The following KALRN variants were observed in gnomAD, a reference collection of about 807,000 sequenced individuals.
KALRN encodes the protein kalirin RhoGEF kinase, also known as kalirin.
A neutral mutation model predicts 353.7 loss-of-function variants in KALRN; 70 were observed. The ratio of observed to expected loss-of-function variants is 0.20; its 90% CI spans 0.16 to 0.24. The LOEUF (loss-of-function observed/expected upper bound fraction) is 0.24. Among genes scored for constraint, KALRN ranks in the 10% least tolerant of loss-of-function variants. KALRN has a pLI of 1.00. For missense variants in KALRN, 2,791 were observed against 3,756.7 expected (o/e 0.74, Z 6.72); for synonymous variants, 1,391 against 1,434.8 (o/e 0.97, Z 0.69).
rs1293385472 is a variant in KALRN, at chr3:124,671,855, G to T, written c.6899G>T (p.Gly2300Val). The change falls in exon 48 of 60, where the codon GGG becomes GTG. Residue 2300 changes from glycine (G) to valine (V), a missense_variant. Physicochemically the swap from Gly to Val is moderately radical, Grantham distance 109. This residue lies in a region of KALRN where 1,065 missense variants were observed against 1,156.4 expected (regional missense o/e 0.92). Coordinates refer to ENST00000682506, the MANE Select transcript of KALRN (RefSeq NM_001388419.1). ...ATATCTACCTCCAATGGCAGTCCAG[G>T]GTTTGAATACCACCAGCCTGGGGAC... The part of the protein sequence containing the change: ...LKISTSNGSP[G>V]FEYHQPGDKF... 2 of 1,613,960 alleles carry T rather than the reference G, an allele frequency of 1.2e-6. No homozygotes were observed. The highest frequency in any genetic ancestry group is 1.3e-5 in the African/African-American group (1 of 74,890).
Position 124,721,560 on chromosome 3 carries a change from T to A in KALRN, c.*2090T>A, listed in dbSNP as rs942615232. 2 of 152,228 alleles carry A rather than the reference T, an allele frequency of 1.3e-5. No homozygotes were observed. The highest frequency in any genetic ancestry group is 2.9e-5 in the Non-Finnish European group (2 of 68,040). 9.4% of individuals were successfully genotyped at this position (152,228 alleles called of 1,614,324 possible). A position where few individuals can be genotyped will look rare whatever the true frequency, so the allele number is the denominator to read the frequency against. On this transcript the variant is annotated 3_prime_UTR_variant, in exon 60 of 60. Transcript: ENST00000682506. ...AAAATTTTAGTAAACATGTTTTCAT[T>A]GTGTTTAAAAAATTTAAAACATATT... is the stretch of plus-strand genomic sequence containing the variant.
chr3:124,434,586 T>G, intron 17 of KALRN, 61 bp downstream of exon 17: 2 of 1,519,106 alleles, frequency 1.3e-6, no homozygotes, highest in Non-Finnish European at 1.8e-6. Flanking sequence ...TTTTCTGCCT[T>G]GCAGTGTAAA....
At chr3:124,509,761 A>G (rs1193414314) in intron 33 of KALRN, among the ~76,000 whole-genome samples, 1 of 152,250 alleles carries the variant, frequency 6.6e-6, no homozygotes, top group Non-Finnish European at 1.5e-5. Flanking sequence ...TGGATCTTAG[A>G]TGTCTGACAA....
intron 33 of KALRN, among the ~76,000 whole-genome samples, chr3:124,559,384 A>G (rs1308089236): frequency 6.6e-6 from 1 of 152,232 alleles, no homozygotes; most frequent in African/African-American, 2.4e-5. Context: ...GAAGCCAGGC[A>G]GACAATTAGC....
At chr3:124,037,815 G>A (rs928885601) in intron 1 of KALRN, among the ~76,000 whole-genome samples, 2 of 152,150 alleles carry the variant, frequency 1.3e-5, no homozygotes, top group African/African-American at 2.4e-5. Context: ...GGGTTGAGGA[G>A]CCTAGAGGAC....
intron 22 of KALRN, 92 bp from the exon 23 acceptor site, chr3:124,456,518 C>A: frequency 1.3e-6 from 1 of 788,270 alleles, no homozygotes; most frequent in East Asian, 2.7e-5. Flanking sequence ...TCCATTATAT[C>A]TTTTTTTCCC....
At chr3:124,405,686 C>G (rs2091452293) in intron 13 of KALRN, among the ~76,000 whole-genome samples, 1 of 139,026 alleles carries the variant, frequency 7.2e-6, no homozygotes, top group Non-Finnish European at 1.5e-5. Flanking sequence ...CTCTGTCAGC[C>G]AGGCTGGAGT....
At chr3:124,054,580 C>T (rs968937170) in intron 1 of KALRN, among the ~76,000 whole-genome samples, 19 of 152,100 alleles carry the variant, frequency 1.2e-4, no homozygotes, top group African/African-American at 4.6e-4. Flanking sequence ...TAGCCCCTAT[C>T]TTCATGGTGC....
At position 124,228,062 on chromosome 3, in the gene KALRN, C is replaced by G; in HGVS notation, c.146C>G (p.Ser49Cys). 6.2e-7 allele frequency: 1 copy of G among 1,612,348 alleles called. No homozygotes were observed. Among genetic ancestry groups the G allele is most frequent in the South Asian group, 1.1e-5 (1 of 91,022 alleles). The part of the protein sequence containing the change: ...PILKEKVAFV[S>C]GGRDKRGGPI... ...CTAAAGGAAAAGGTGGCCTTCGTGTCTGGTGAGTATTTGTGGGACTTTCTT... is the reference window on the plus strand; with the variant it reads ...CTAAAGGAAAAGGTGGCCTTCGTGTGTGGTGAGTATTTGTGGGACTTTCTT... Residue 49 changes from serine (S) to cysteine (C), a missense_variant and splice_region_variant, in exon 2 of 60, where the codon TCT (serine) becomes TGT (cysteine). Ser to Cys is a moderately radical substitution (Grantham distance 112, BLOSUM62 -1). This residue lies in a region of KALRN where 110 missense variants were observed against 204.1 expected (regional missense o/e 0.54). Transcript: ENST00000682506.
At chr3:124,099,393 C>T (rs1489534662) in intron 1 of KALRN, 1 of 152,146 alleles carries the variant, frequency 6.6e-6, no homozygotes, top group Non-Finnish European at 1.5e-5. Context: ...GACAGGATTT[C>T]CTTTTTATAG....
At chr3:124,098,116 T>A (rs1451722175) in intron 1 of KALRN, among the ~76,000 whole-genome samples, 1 of 152,202 alleles carries the variant, frequency 6.6e-6, no homozygotes, top group Admixed American at 6.5e-5. Context: ...TTTTTTTTGG[T>A]AATGGGAAGA....
At chr3:124,299,483 G>T (rs2077095469) in intron 6 of KALRN, among the ~76,000 whole-genome samples, 1 of 152,188 alleles carries the variant, frequency 6.6e-6, no homozygotes, top group Non-Finnish European at 1.5e-5. Flanking sequence ...TGGAGCAGGA[G>T]GTGGGGTGGG....
chr3:124,282,388 T>C (rs930981017), intron 5 of KALRN, among the ~76,000 whole-genome samples: 5 of 151,470 alleles, frequency 3.3e-5, no homozygotes, highest in African/African-American at 1.2e-4. Flanking sequence ...TCTTTTTTTT[T>C]TTTTTTTGAG....
intron 1 of KALRN, among the ~76,000 whole-genome samples, chr3:124,173,731 T>C (rs1342184736): frequency 6.6e-6 from 1 of 152,194 alleles, no homozygotes; most frequent in Non-Finnish European, 1.5e-5. Context: ...TTCTTCTGCC[T>C]CAGCCTCCCG....
chr3:124,567,640 C>T (rs1225541807), intron 34 of KALRN, among the ~76,000 whole-genome samples: 2 of 152,152 alleles, frequency 1.3e-5, no homozygotes, highest in Non-Finnish European at 2.9e-5. Flanking sequence ...GAGGGCAGCA[C>T]CTCCCAAGAG....
In KALRN at chr3:124,651,032, G is replaced by A. The variant is rs973074035; in HGVS notation, c.5795+94G>A. The A allele has an allele frequency of 3.4e-6, 5 of 1,452,704 alleles. No homozygotes were observed. In the East Asian group the frequency reaches 6.8e-5, roughly 20 times the overall value. 90.0% of individuals were successfully genotyped at this position (1,452,704 alleles called of 1,614,324 possible). A position where few individuals can be genotyped will look rare whatever the true frequency, so the allele number is the denominator to read the frequency against. ...GGAAAATTCGAGAGGGGTTCCCCAC[G>A]CTGTTTCCACTGACATCTTTCATTC... On this transcript the variant is annotated intron_variant, in intron 38 of 59. Transcript: ENST00000682506.
intron 33 of KALRN, among the ~76,000 whole-genome samples, chr3:124,529,037 C>T (rs1035030692): frequency 1.1e-4 from 16 of 151,988 alleles, no homozygotes; most frequent in African/African-American, 3.6e-4. Flanking sequence ...CTTATATGTA[C>T]GTGTAGATCA....
intron 1 of KALRN, among the ~76,000 whole-genome samples, chr3:124,143,854 C>A (rs1242397190): frequency 6.6e-6 from 1 of 151,964 alleles, no homozygotes; most frequent in South Asian, 2.1e-4. Context: ...GAAAGTGGGG[C>A]ATATATCCTA....
At chr3:124,330,099 G>A (rs546422728) in intron 8 of KALRN, 107 bp downstream of exon 8, 4 of 1,188,006 alleles carry the variant, frequency 3.4e-6, no homozygotes, top group African/African-American at 3.1e-5. Flanking sequence ...GGACTAAGAA[G>A]AAGAGGCTGT....
Sources: allele counts gnomAD v4.1 joint callset (sites outside exome capture counted in the v4.1 genomes callset), GRCh38; gene constraint gnomAD v4.1.1; regional missense constraint gnomAD v4.1.1; transcripts MANE v1.5; gene names NCBI Gene and HGNC (gene_info 2026-07-23, HGNC 2026-07-21).